Variants in SPOCK3 observed in about 807,000 individuals in gnomAD.
SPOCK3 encodes the protein testican-3.
SPOCK3 carries 30 observed loss-of-function variants against 56.6 expected under a neutral mutation model. The ratio of observed to expected loss-of-function variants is 0.53; its 90% CI spans 0.40 to 0.72. SPOCK3 has a LOEUF of 0.72. Among genes scored for constraint, SPOCK3 ranks in the 30% least tolerant of loss-of-function variants. SPOCK3 has a pLI of 0.00. For missense variants in SPOCK3, 527 were observed against 530.0 expected (o/e 0.99, Z 0.06); for synonymous variants, 196 against 183.3 (o/e 1.07, Z -0.56).
intron 4 of SPOCK3, among the ~76,000 whole-genome samples, chr4:166,966,139 T>A (rs1424906458): frequency 6.6e-6 from 1 of 152,102 alleles, no homozygotes; most frequent in Non-Finnish European, 1.5e-5. Context: ...GGGTTTCAGT[T>A]TCCTCCATGT....
chr4:166,782,539 G>A (rs1467429684), intron 7 of SPOCK3, among the ~76,000 whole-genome samples: 1 of 151,968 alleles, frequency 6.6e-6, no homozygotes. Context: ...GTGCAGATGG[G>A]ACATATTCTG....
intron 6 of SPOCK3, among the ~76,000 whole-genome samples, chr4:166,859,873 A>G (rs1274805095): frequency 6.6e-6 from 1 of 152,176 alleles, no homozygotes; most frequent in Non-Finnish European, 1.5e-5. Flanking sequence ...AGTCAACAAC[A>G]GCAGAAGTAT....
intron 2 of SPOCK3, among the ~76,000 whole-genome samples, chr4:167,115,272 G>C (rs1156719713): frequency 1.3e-5 from 2 of 150,904 alleles, no homozygotes; most frequent in African/African-American, 4.9e-5. Flanking sequence ...AACCAAGGCT[G>C]TATGTCCCGC....
intron 4 of SPOCK3, among the ~76,000 whole-genome samples, chr4:166,996,076 T>C (rs1442520752): frequency 2.0e-5 from 3 of 152,186 alleles, no homozygotes; most frequent in East Asian, 3.8e-4. Flanking sequence ...TTAAAATAGA[T>C]AAATTTTAGG....
At chr4:167,186,348 C>T (rs1360851057) in intron 2 of SPOCK3, among the ~76,000 whole-genome samples, 1 of 152,188 alleles carries the variant, frequency 6.6e-6, no homozygotes, top group Non-Finnish European at 1.5e-5. Context: ...AATCTCTAGG[C>T]CGGGCGTGGT....
At chr4:167,156,151 C>T (rs1008251230) in intron 2 of SPOCK3, among the ~76,000 whole-genome samples, 7 of 152,058 alleles carry the variant, frequency 4.6e-5, no homozygotes, top group East Asian at 3.9e-4. Flanking sequence ...TTATTTTTAA[C>T]GCTAAGTCTT....
chr4:166,930,547 G>C (rs1010823678), intron 4 of SPOCK3, among the ~76,000 whole-genome samples: 1 of 151,544 alleles, frequency 6.6e-6, no homozygotes, highest in Non-Finnish European at 1.5e-5. Context: ...TAATTCTGCT[G>C]GCACCATAAA....
intron 10 of SPOCK3, 37 bp downstream of exon 10, chr4:166,737,430 C>A: frequency 6.3e-7 from 1 of 1,592,762 alleles, no homozygotes. Context: ...TAATTCTGTG[C>A]TTAGAAAATT....
intron 4 of SPOCK3, among the ~76,000 whole-genome samples, chr4:166,979,946 A>C (rs1174422589): frequency 6.6e-6 from 1 of 152,148 alleles, no homozygotes; most frequent in Non-Finnish European, 1.5e-5. Context: ...CCTTCCCTTC[A>C]GTTCCTCAAA....
chr4:166,984,544 A>G (rs2150099609), intron 4 of SPOCK3, among the ~76,000 whole-genome samples: 1 of 152,226 alleles, frequency 6.6e-6, no homozygotes, highest in East Asian at 1.9e-4. Flanking sequence ...CATTTAAAAA[A>G]TTCGTGGCAT....
At chr4:167,060,032 A>G (rs1272584046) in intron 3 of SPOCK3, among the ~76,000 whole-genome samples, 4 of 152,034 alleles carry the variant, frequency 2.6e-5, no homozygotes, top group African/African-American at 4.8e-5. Flanking sequence ...GGATAGCTTT[A>G]GGAGATATAC....
intron 2 of SPOCK3, among the ~76,000 whole-genome samples, chr4:167,186,051 T>A (rs536467337): frequency 1.3e-5 from 2 of 152,244 alleles, no homozygotes; most frequent in African/African-American, 4.8e-5. Flanking sequence ...TAGATGATAT[T>A]GATATTGGAA....
At chr4:166,778,370 C>A in intron 7 of SPOCK3, among the ~76,000 whole-genome samples, 1 of 152,154 alleles carries the variant, frequency 6.6e-6, no homozygotes, top group Non-Finnish European at 1.5e-5. Context: ...GAACATAAAT[C>A]GAAGTAAAAT....
At chr4:166,809,155 A>T (rs1743500279) in intron 6 of SPOCK3, among the ~76,000 whole-genome samples, 1 of 152,048 alleles carries the variant, frequency 6.6e-6, no homozygotes, top group Admixed American at 6.6e-5. Flanking sequence ...AGTGGATATT[A>T]GAAAACTAAT....
chr4:166,951,794 A>T (rs1742656836), intron 4 of SPOCK3, among the ~76,000 whole-genome samples: 1 of 151,616 alleles, frequency 6.6e-6, no homozygotes, highest in Admixed American at 6.6e-5. Flanking sequence ...AAATCAATAA[A>T]TGTAATCCAG....
At chr4:166,944,924 C>T (rs1181336892) in intron 4 of SPOCK3, among the ~76,000 whole-genome samples, 1 of 152,122 alleles carries the variant, frequency 6.6e-6, no homozygotes, top group East Asian at 1.9e-4. Context: ...ATTTATATTA[C>T]TGATATGATT....
intron 2 of SPOCK3, among the ~76,000 whole-genome samples, chr4:167,168,042 G>A (rs1730153416): frequency 6.6e-6 from 1 of 152,104 alleles, no homozygotes; most frequent in Admixed American, 6.6e-5. Flanking sequence ...CTTGCCTGCT[G>A]CCATGTAAGA....
rs377413082 is a variant in SPOCK3 at position 167,086,761 on chromosome 4, C to T, written c.190-24224G>A. 3.9e-5 allele frequency among the ~76,000 whole-genome samples: 6 copies of T among 152,064 alleles called. No homozygotes were observed. In the East Asian group the frequency reaches 1.2e-3, roughly 29 times the overall value. On this transcript the variant is annotated intron_variant, in intron 2 of 10. Coordinates refer to ENST00000357545, the MANE Select transcript of SPOCK3 (RefSeq NM_001040159.2). The stretch of plus-strand genomic sequence containing the variant: ...AAATATCTACTTTACTCAACAGAGC[C>T]AAAAGCTCCCTAAAAACAACCAAGG...
At chr4:167,158,486 G>C (rs752958049) in intron 2 of SPOCK3, among the ~76,000 whole-genome samples, 1 of 151,992 alleles carries the variant, frequency 6.6e-6, no homozygotes, top group Non-Finnish European at 1.5e-5. Context: ...AAGTACAGTA[G>C]AGTTTTGTCA....
Sources: gnomAD v4.1 joint callset for allele counts (sites outside exome capture counted in the v4.1 genomes callset) on GRCh38, gnomAD v4.1.1 for gene constraint, MANE v1.5 for transcripts, NCBI Gene and HGNC (gene_info 2026-07-23, HGNC 2026-07-21) for gene names.